The following TTPA variants were observed in gnomAD, a reference collection of about 807,000 sequenced individuals.
TTPA encodes the protein alpha-tocopherol transfer protein.
TTPA carries 23 observed loss-of-function variants against 25.9 expected under a neutral mutation model. The observed-to-expected ratio is 0.89, with a 90% CI of 0.64 to 1.26. The LOEUF (loss-of-function observed/expected upper bound fraction) is 1.26. Among genes scored for constraint, TTPA ranks in the 50% most tolerant of loss-of-function variants. The pLI, the probability that TTPA is intolerant of heterozygous loss-of-function variation, is 0.00. For synonymous variants in TTPA, 148 were observed against 137.3 expected, an observed-to-expected ratio of 1.08 and a Z score of -0.54; for missense variants, 337 against 353.1, an observed-to-expected ratio of 0.95 and a Z score of 0.37.
At chr8:63,071,933 G>A (rs1360986420) in intron 2 of TTPA, among the ~76,000 whole-genome samples, 3 of 152,060 alleles carry the variant, frequency 2.0e-5, no homozygotes, top group Non-Finnish European at 4.4e-5. Flanking sequence ...AATACACTAA[G>A]ACACCAACCT....
intron 1 of TTPA, among the ~76,000 whole-genome samples, chr8:63,077,473 C>G (rs1805582093): frequency 6.6e-6 from 1 of 152,232 alleles, no homozygotes; most frequent in Non-Finnish European, 1.5e-5. Context: ...GCACTTTTCC[C>G]AAGGTCTTAG....
chr8:63,079,339 C>A (rs1805622316), intron 1 of TTPA, among the ~76,000 whole-genome samples: 2 of 152,094 alleles, frequency 1.3e-5, no homozygotes, highest in Non-Finnish European at 2.9e-5. Flanking sequence ...ACAATATTAA[C>A]CTTAAATGTA....
chr8:63,065,055 T>C (rs1805367816), intron 3 of TTPA, among the ~76,000 whole-genome samples: 1 of 152,234 alleles, frequency 6.6e-6, no homozygotes, highest in Non-Finnish European at 1.5e-5. Context: ...AAATATCATG[T>C]TTTATTATTG....
chr8:63,064,199 T>G lies in TTPA; in HGVS notation c.663+7A>C. On this transcript the variant is annotated splice_region_variant and intron_variant, in intron 4 of 4. Transcript: ENST00000260116. ...GAGGAACACAGACTTGAATATATTT[T>G]ACTCACCCGTTCCTTAATTTTTTCA... 1 of 1,594,268 alleles carries G rather than the reference T, an allele frequency of 6.3e-7. No homozygotes were observed. Among genetic ancestry groups the G allele is most frequent in the Non-Finnish European group, 8.6e-7 (1 of 1,162,940 alleles).
At chr8:63,084,584 G>C (rs1805717862) in intron 1 of TTPA, among the ~76,000 whole-genome samples, 1 of 152,194 alleles carries the variant, frequency 6.6e-6, no homozygotes, top group East Asian at 1.9e-4. Context: ...TTCAAAGACA[G>C]GTAAGAAAGG....
intron 1 of TTPA, 61 bp downstream of exon 1, chr8:63,085,757 G>A (rs1805739122): frequency 1.3e-6 from 2 of 1,513,544 alleles, no homozygotes; most frequent in Non-Finnish European, 1.8e-6. Flanking sequence ...CCGGGGTCGT[G>A]GGGCGGGGGA....
intron 2 of TTPA, among the ~76,000 whole-genome samples, chr8:63,068,012 C>T (rs1467494959): frequency 6.6e-6 from 1 of 152,070 alleles, no homozygotes; most frequent in East Asian, 1.9e-4. Flanking sequence ...AGATAAGAGA[C>T]CTGTTTGGGT....
At chr8:63,063,207 A>G (rs1805336134) in intron 4 of TTPA, among the ~76,000 whole-genome samples, 1 of 152,200 alleles carries the variant, frequency 6.6e-6, no homozygotes, top group Admixed American at 6.5e-5. Flanking sequence ...TCAAGGCATT[A>G]GATGATGCCA....
At chr8:63,080,415 G>A (rs1033051118) in intron 1 of TTPA, among the ~76,000 whole-genome samples, 1 of 152,152 alleles carries the variant, frequency 6.6e-6, no homozygotes, top group Admixed American at 6.5e-5. Flanking sequence ...AAAATTGATA[G>A]ACTGCTAGCA....
At chr8:63,062,031 A>G (rs1805314635) in intron 4 of TTPA, among the ~76,000 whole-genome samples, 1 of 151,976 alleles carries the variant, frequency 6.6e-6, no homozygotes, top group South Asian at 2.1e-4. Flanking sequence ...GGCTGGTACA[A>G]AAAAAATACA....
intron 1 of TTPA, among the ~76,000 whole-genome samples, chr8:63,075,520 C>T (rs891378084): frequency 1.3e-5 from 2 of 151,808 alleles, no homozygotes; most frequent in South Asian, 4.2e-4. Context: ...GAGATCAAGA[C>T]CATCCTGGCC....
chr8:63,073,366 T>C (rs1415968348), intron 1 of TTPA, among the ~76,000 whole-genome samples: 1 of 152,196 alleles, frequency 6.6e-6, no homozygotes, highest in Non-Finnish European at 1.5e-5. Context: ...CTGATACCCA[T>C]GCACCATTCT....
In TTPA at chr8:63,069,786, T is replaced by G. The variant is rs183523444; in HGVS notation, c.358+3149A>C. 4.6e-5 allele frequency among the ~76,000 whole-genome samples: 7 copies of G among 151,808 alleles called. No individual in the cohort carries two copies. In the East Asian group the frequency reaches 1.4e-3, roughly 29 times the overall value. On this transcript the variant is annotated intron_variant, in intron 2 of 4. Transcript: ENST00000260116. ...TTAGTTGCAGTAGTCACATTTCAAG[T>G]GCTCAATAGCCACATGAGAATAGTG...
At position 63,061,412 on chromosome 8, in the gene TTPA, C is replaced by CAGATT; in HGVS notation, c.676_677insAATCT (p.Gly226GlufsTer40). The stretch of plus-strand genomic sequence containing the variant: ...AAGCAAGCTTTGTTTGTAGTTGTTC[C>CAGATT]CATGCATGTGAATCTGAAATAGCCA... On this transcript the variant is annotated frameshift_variant, in exon 5 of 5. Coordinates refer to ENST00000260116, the MANE Select transcript of TTPA (RefSeq NM_000370.3). LOFTEE classifies it high-confidence loss of function. The CAGATT allele has an allele frequency of 6.2e-7, 1 of 1,613,894 alleles. No individual in the cohort carries two copies. The highest frequency in any genetic ancestry group is 8.5e-7 in the Non-Finnish European group (1 of 1,179,938).
In TTPA at chr8:63,064,203, C is replaced by G; in HGVS notation, c.663+3G>C. On this transcript the variant is annotated splice_donor_region_variant and intron_variant, in intron 4 of 4. Coordinates refer to ENST00000260116, the MANE Select transcript of TTPA (RefSeq NM_000370.3). Reference sequence around the variant, plus strand: ...AACACAGACTTGAATATATTTTACTCACCCGTTCCTTAATTTTTTCAGTCA... The same window carrying G: ...AACACAGACTTGAATATATTTTACTGACCCGTTCCTTAATTTTTTCAGTCA... The G allele has an allele frequency of 6.2e-7, 1 of 1,601,934 alleles. No homozygotes were observed. Among genetic ancestry groups the G allele is most frequent in the Non-Finnish European group, 8.5e-7 (1 of 1,170,014 alleles).
chr8:63,080,650 G>C (rs935030607), intron 1 of TTPA, among the ~76,000 whole-genome samples: 2 of 151,458 alleles, frequency 1.3e-5, no homozygotes, highest in Non-Finnish European at 2.9e-5. Context: ...GAACCCAGGA[G>C]GCAGAGCTTG....
intron 1 of TTPA, 139 bp downstream of exon 1, chr8:63,085,679 G>T (rs1805737127): frequency 2.0e-6 from 2 of 976,338 alleles, no homozygotes; most frequent in Non-Finnish European, 2.9e-6. Context: ...CGCCCACGCC[G>T]GGTGGTTAGG....
rs371581175 is a variant in TTPA at position 63,065,505 on chromosome 8, T to A, written c.552+399A>T. 6.8e-4 allele frequency among the ~76,000 whole-genome samples: 103 copies of A among 152,144 alleles called. 3 individuals carry two copies. The highest frequency in any genetic ancestry group is 2.4e-3 in the African/African-American group (100 of 41,432). ...AATAGAATTACTGAGTCAAAGATGA[T>A]GACCACTTTAAAAACCTTTTGGAAA... is the stretch of plus-strand genomic sequence containing the variant. On this transcript the variant is annotated intron_variant, in intron 3 of 4. Coordinates refer to ENST00000260116, the MANE Select transcript of TTPA (RefSeq NM_000370.3).
rs769549473 is a variant in TTPA, at chr8:63,073,015, A to T, written c.278T>A (p.Ile93Asn). 1.7e-5 allele frequency: 27 copies of T among 1,613,988 alleles called. No individual in the cohort carries two copies. The South Asian group carries it at 3.0e-4, about 18-fold the overall frequency. Residue 93 changes from isoleucine to asparagine, a missense_variant, in exon 2 of 5, where the codon ATT becomes AAT. By Grantham distance (149) the Ile-to-Asn change is moderately radical. Coordinates refer to ENST00000260116, the MANE Select transcript of TTPA (RefSeq NM_000370.3). ...ATGGTAGCCAGCCTTTAGGAGGCCAATAATACTTCTAGGGTGTAGATCTGC... is the reference window on the plus strand; with the variant it reads ...ATGGTAGCCAGCCTTTAGGAGGCCATTAATACTTCTAGGGTGTAGATCTGC... Reference protein sequence around the residue: ...ISADLHPRSIIGLLKAGYHGV... With the variant: ...ISADLHPRSINGLLKAGYHGV...
Sources: allele counts gnomAD v4.1 joint callset (sites outside exome capture counted in the v4.1 genomes callset), GRCh38; gene constraint gnomAD v4.1.1; transcripts MANE v1.5; gene names NCBI Gene and HGNC (gene_info 2026-07-23, HGNC 2026-07-21).